The following EYS variants were observed in gnomAD, a reference collection of about 807,000 sequenced individuals.
EYS encodes the protein protein eyes shut homolog.
A neutral mutation model predicts 282.1 loss-of-function variants in EYS; 250 were observed. That is an observed-to-expected ratio of 0.89 (90% CI 0.80 to 0.98). The LOEUF is 0.98. Among genes scored for constraint, EYS ranks in the 50% least tolerant of loss-of-function variants. The pLI, the probability that EYS is intolerant of heterozygous loss-of-function variation, is 0.00. For missense variants in EYS, 4,016 were observed against 3,709.0 expected (o/e 1.08, Z -2.15); for synonymous variants, 1,355 against 1,282.9 (o/e 1.06, Z -1.20).
intron 14 of EYS, among the ~76,000 whole-genome samples, chr6:64,965,707 A>G (rs1294094264): frequency 3.9e-5 from 6 of 152,110 alleles, no homozygotes; most frequent in East Asian, 1.9e-4. Flanking sequence ...TGACCATTCA[A>G]TTGGTTTTAT....
intron 33 of EYS, among the ~76,000 whole-genome samples, chr6:64,043,927 T>G (rs1770506432): frequency 6.6e-6 from 1 of 152,214 alleles, no homozygotes; most frequent in South Asian, 2.1e-4. Flanking sequence ...ATACACTAAG[T>G]AAACTTCTTG....
intron 26 of EYS, among the ~76,000 whole-genome samples, chr6:64,585,127 A>T (rs1766194118): frequency 6.6e-6 from 1 of 152,154 alleles, no homozygotes; most frequent in South Asian, 2.1e-4. Flanking sequence ...ATCATTGAAT[A>T]CTACACAGCC....
chr6:64,916,082 G>A (rs1002281584), intron 15 of EYS, among the ~76,000 whole-genome samples: 1 of 151,874 alleles, frequency 6.6e-6, no homozygotes, highest in Admixed American at 6.6e-5. Context: ...TCATATAATG[G>A]GACTCAGTTA....
chr6:63,950,207 C>CA (rs919184181), intron 35 of EYS, among the ~76,000 whole-genome samples: 42 of 148,676 alleles, frequency 2.8e-4, no homozygotes, highest in African/African-American at 6.7e-4. Context: ...AAAAAAAAAA[C>CA]AAAAAAAACA....
chr6:64,627,217 A>C (rs1327319115), intron 22 of EYS, among the ~76,000 whole-genome samples: 3 of 152,338 alleles, frequency 2.0e-5, no homozygotes, highest in East Asian at 3.9e-4. Context: ...TTCAAGAAGC[A>C]CTGAGCCCAG....
chr6:64,391,345 A>G (rs1304412960), intron 28 of EYS, among the ~76,000 whole-genome samples: 2,389 of 151,836 alleles, frequency 0.016, 49 homozygotes, highest in African/African-American at 0.055. Context: ...AAGTTGAAAT[A>G]AAGGAAAAAA....
At chr6:64,589,314 C>G (rs1766326293) in intron 26 of EYS, among the ~76,000 whole-genome samples, 1 of 151,970 alleles carries the variant, frequency 6.6e-6, no homozygotes, top group African/African-American at 2.4e-5. Context: ...ACACCTAAAA[C>G]CTTTTAAACG....
chr6:65,494,680 C>T lies in EYS; in HGVS notation c.731G>A (p.Cys244Tyr), dbSNP rs1766174358. Residue 244 changes from cysteine to tyrosine, a missense_variant, in exon 4 of 43, where the codon TGT becomes TAT. Transcript: ENST00000503581. ...AATCTTACCTGTAAATGGTGGGTGA[C>T]AGACACATTCATATGCTTGCTCATC... The part of the protein sequence containing the change: ...NWDEQAYECV[C>Y]HPPFTGKNCS... 1 of 1,571,790 alleles carries T rather than the reference C, an allele frequency of 6.4e-7. No individual in the cohort carries two copies. The highest frequency in any genetic ancestry group is 8.6e-7 in the Non-Finnish European group (1 of 1,156,532).
chr6:65,179,642 T>A (rs1765322963), intron 12 of EYS, among the ~76,000 whole-genome samples: 2 of 152,120 alleles, frequency 1.3e-5, no homozygotes, highest in South Asian at 4.1e-4. Context: ...GAGGAGCTGT[T>A]ACCATTCCTT....
intron 26 of EYS, among the ~76,000 whole-genome samples, chr6:64,538,494 T>G (rs1207688239): frequency 6.6e-6 from 1 of 152,206 alleles, no homozygotes; most frequent in East Asian, 1.9e-4. Flanking sequence ...TTGCTTTTCA[T>G]AATATCTATG....
At chr6:65,302,045 T>C (rs1172448924) in intron 11 of EYS, among the ~76,000 whole-genome samples, 1 of 152,242 alleles carries the variant, frequency 6.6e-6, no homozygotes, top group Non-Finnish European at 1.5e-5. Context: ...CTATGGAAGA[T>C]GGATTTTTTT....
intron 30 of EYS, among the ~76,000 whole-genome samples, chr6:64,296,575 TATATATATACATA>T (rs1769014187): frequency 9.1e-5 from 1 of 10,930 alleles, no homozygotes; most frequent in African/African-American, 2.0e-4. Flanking sequence ...TATATATATA[TATATATATACATA>T]TATATATATA....
intron 33 of EYS, among the ~76,000 whole-genome samples, chr6:64,015,425 T>A (rs1359529167): frequency 6.6e-6 from 1 of 152,154 alleles, no homozygotes; most frequent in Non-Finnish European, 1.5e-5. Context: ...AAATCTATAA[T>A]CTGTGTTAAT....
intron 8 of EYS, among the ~76,000 whole-genome samples, chr6:65,355,980 T>C (rs1174434795): frequency 1.3e-5 from 2 of 152,024 alleles, no homozygotes; most frequent in East Asian, 1.9e-4. Context: ...CTACCGGATA[T>C]CTGCGCAAAG....
rs576346113 is a variant in EYS at position 64,804,990 on chromosome 6, G to A, written c.3443+8388C>T. Among the ~76,000 whole-genome samples, 14 of 151,804 alleles carry A rather than the reference G, an allele frequency of 9.2e-5. No homozygotes were observed. In the South Asian group the frequency reaches 2.1e-3, roughly 23 times the overall value. ...TCAAATTCCAACTGCAATTTTTTTT[G>A]TACATAGTAGTTTTCCAAAAAATAT... On this transcript the variant is annotated intron_variant, in intron 22 of 42. Coordinates refer to ENST00000503581, the MANE Select transcript of EYS (RefSeq NM_001142800.2).
intron 35 of EYS, among the ~76,000 whole-genome samples, chr6:63,983,598 C>G (rs1167100775): frequency 2.6e-5 from 4 of 151,596 alleles, no homozygotes; most frequent in Non-Finnish European, 5.9e-5. Context: ...ATAGCTTTCC[C>G]CATGAAAATA....
At chr6:63,908,354 T>C (rs751788072) in intron 35 of EYS, among the ~76,000 whole-genome samples, 21 of 152,082 alleles carry the variant, frequency 1.4e-4, no homozygotes, top group Non-Finnish European at 2.6e-4. Context: ...ACTTATACAC[T>C]TTTGGTAAAT....
chr6:64,232,457 T>A (rs1470267428), intron 30 of EYS, among the ~76,000 whole-genome samples: 1 of 152,180 alleles, frequency 6.6e-6, no homozygotes, highest in African/African-American at 2.4e-5. Flanking sequence ...TGGTGCGATC[T>A]CAGCTCACTG....
Position 64,235,317 on chromosome 6 carries a change from C to T in EYS, c.6192-4493G>A, listed in dbSNP as rs545123666. ...ATGTGTCCTCATTGTTCAATTCCCA[C>T]CTATGAGTGAGAATATGCGGTGTTT... On this transcript the variant is annotated intron_variant, in intron 30 of 42. Transcript: ENST00000503581. 2.9e-3 allele frequency among the ~76,000 whole-genome samples: 430 copies of T among 150,200 alleles called. 4 individuals carry two copies. The highest frequency in any genetic ancestry group is 9.9e-3 in the African/African-American group (402 of 40,782).
Sources: gnomAD v4.1 joint callset for allele counts (sites outside exome capture counted in the v4.1 genomes callset) on GRCh38, gnomAD v4.1.1 for gene constraint, MANE v1.5 for transcripts, NCBI Gene and HGNC (gene_info 2026-07-23, HGNC 2026-07-21) for gene names.